Variants in PLXNB1 observed in about 807,000 individuals in gnomAD.
PLXNB1 encodes plexin B1.
In PLXNB1, 106 loss-of-function variants were observed where a neutral mutation model predicts 209.4. The ratio of observed to expected loss-of-function variants is 0.51; its 90% CI spans 0.43 to 0.59. The LOEUF (loss-of-function observed/expected upper bound fraction) is 0.59, where lower values mean the gene tolerates loss of function less well. PLXNB1 is among the 20% of genes least tolerant of loss of function. PLXNB1 has a pLI of 0.00. For synonymous variants in PLXNB1, 1,167 were observed against 1,183.2 expected (o/e 0.99, Z 0.28); for missense variants, 2,357 against 2,853.2 (o/e 0.83, Z 3.96).
intron 1 of PLXNB1, among the ~76,000 whole-genome samples, chr3:48,426,789 A>G (rs2038918572): frequency 6.6e-6 from 1 of 152,060 alleles, no homozygotes; most frequent in South Asian, 2.1e-4. Context: ...GGGCGGGGGG[A>G]AGGGGGCAGC....
Position 48,418,225 on chromosome 3 carries a change from A to G in PLXNB1, c.3188T>C (p.Val1063Ala). 2 of 1,612,422 alleles carry G rather than the reference A, an allele frequency of 1.2e-6. No individual in the cohort carries two copies. Among genetic ancestry groups the G allele is most frequent in the Non-Finnish European group, 1.7e-6 (2 of 1,179,540 alleles). The change falls in exon 15 of 38, where the codon GTG becomes GCG. Residue 1063 changes from valine to alanine, a missense_variant. Transcript: ENST00000296440. The surrounding 1 kb of genome is among the most constrained non-coding windows in gnomAD (Gnocchi z 6.6). ...GAGGGGCGCTGGGCACTGGGTGGCC[A>G]CAGCCTCAGCCTCACCACAGGCCTC... Reference protein sequence around the residue: ...TREACGEAEAVATQCPAPLIH... With the variant: ...TREACGEAEAAATQCPAPLIH...
chr3:48,420,130 G>T lies in PLXNB1; in HGVS notation c.2156C>A (p.Ala719Asp). 6.2e-7 allele frequency: 1 copy of T among 1,612,712 alleles called. No individual in the cohort carries two copies. The highest frequency in any genetic ancestry group is 8.5e-7 in the Non-Finnish European group (1 of 1,179,640). ...CCCAGGTGAGATGTCCGAAGCTGTG[G>T]CTGTGGAGGGAGCCCCAGGCTCCAC... Reference protein sequence around the residue: ...LPVEPGAPSTATASDISPGAS... With the variant: ...LPVEPGAPSTDTASDISPGAS... Residue 719 changes from alanine to aspartate, a missense_variant, in exon 11 of 38, where the codon GCC becomes GAC. This residue lies in a region of PLXNB1 where 410 missense variants were observed against 401.0 expected (regional missense o/e 1.02). Transcript: ENST00000296440.
In PLXNB1 at chr3:48,409,198, G is replaced by C; in HGVS notation, c.6087+131C>G. 2 of 1,054,802 alleles carry C rather than the reference G, an allele frequency of 1.9e-6. No homozygotes were observed. The highest frequency in any genetic ancestry group is 2.7e-6 in the Non-Finnish European group (2 of 733,150). The allele number at this position is 1,054,802 out of a possible 1,614,324, so 65.3% of individuals were successfully genotyped here. On this transcript the variant is annotated intron_variant, in intron 34 of 37. Transcript: ENST00000296440. This position sits in a 1 kb window ranked among gnomAD's most constrained non-coding sequence, Gnocchi z 5.8. ...AAAACTGAGGTGGCCCCGGGATGAA[G>C]CCTTGGCTTGGGAGGTCAGAGGTCT...
In PLXNB1 at chr3:48,420,053, T is replaced by C. The variant is rs1344176092; in HGVS notation, c.2233A>G (p.Ile745Val). 6 of 1,612,194 alleles carry C rather than the reference T, an allele frequency of 3.7e-6. No individual in the cohort carries two copies. The highest frequency in any genetic ancestry group is 2.2e-5 in the South Asian group (2 of 90,990). ...GACCCTGTGGAGCCAGGGGAAGATA[T>C]GGAGCCAGAACCTGCCCATGGCCCC... ...PWGPWAGSGS[I>V]SSPGSTGSPL... The change falls in exon 11 of 38, where the codon ATA becomes GTA. Residue 745 changes from isoleucine to valine, a missense_variant. By Grantham distance (29) the Ile-to-Val change is conservative. Transcript: ENST00000296440.
rs749314707 is a variant in PLXNB1, at chr3:48,405,884, G to A, written c.6229-86C>T. ...AGCCCAGGACCCCAGGGAAGGGCTG[G>A]GGGAGAAGGGGACCTGAGAGGTAGA... is the stretch of plus-strand genomic sequence containing the variant. On this transcript the variant is annotated intron_variant, in intron 36 of 37. Transcript: ENST00000296440. The surrounding 1 kb of genome is among the most constrained non-coding windows in gnomAD (Gnocchi z 5.0). 7.9e-6 allele frequency: 8 copies of A among 1,010,266 alleles called. No individual in the cohort carries two copies. Among genetic ancestry groups the A allele is most frequent in the Admixed American group, 7.4e-5 (4 of 54,092 alleles). The allele number at this position is 1,010,266 out of a possible 1,614,324, so 62.6% of individuals were successfully genotyped here. A position where few individuals can be genotyped will look rare whatever the true frequency, so the allele number is the denominator to read the frequency against.
intron 3 of PLXNB1, among the ~76,000 whole-genome samples, 162 bp from the exon 4 acceptor site, chr3:48,423,109 C>A (rs576097832): frequency 6.6e-6 from 1 of 152,310 alleles, no homozygotes; most frequent in Admixed American, 6.5e-5. Context: ...TCCCCGCCCC[C>A]AGTCTCTCTT....
Position 48,423,702 on chromosome 3 carries a change from T to C in PLXNB1, c.910A>G (p.Thr304Ala). ...GCCGCCGATGGGGGCCGGCCCACAG[T>C]GGGGGGTGCAGCCGAGGAGAAAGCT... ...FAAFSSAAPP[T>A]VGRPPSAAAG... is the part of the protein sequence containing the mutation. The change falls in exon 3 of 38, where the codon ACT (threonine) becomes GCT (alanine). Residue 304 changes from threonine (T) to alanine (A), a missense_variant. Thr to Ala is a moderately conservative substitution (Grantham distance 58). This residue lies in a region of PLXNB1 where 404 missense variants were observed against 443.6 expected (regional missense o/e 0.91). Coordinates refer to ENST00000296440, the MANE Select transcript of PLXNB1 (RefSeq NM_001130082.3). The C allele has an allele frequency of 1.2e-6, 2 of 1,613,596 alleles. No homozygotes were observed. The highest frequency in any genetic ancestry group is 8.5e-7 in the Non-Finnish European group (1 of 1,179,870).
chr3:48,405,789 C>G lies in PLXNB1; in HGVS notation c.6238G>C (p.Gly2080Arg). Reference protein sequence around the residue: ...VLAELSWNYSGDLGARVALHE... With the variant: ...VLAELSWNYSRDLGARVALHE... ...AGGGCCACTCGCGCCCCGAGGTCTC[C>G]GGAGTAGTTCTAGGGAAGAGGCCAA... Residue 2080 changes from glycine to arginine, a missense_variant, in exon 37 of 38, where the codon GGA becomes CGA. This residue lies in a region of PLXNB1 where 414 missense variants were observed against 520.5 expected (regional missense o/e 0.80). Coordinates refer to ENST00000296440, the MANE Select transcript of PLXNB1 (RefSeq NM_001130082.3). This position sits in a 1 kb window ranked among gnomAD's most constrained non-coding sequence, Gnocchi z 5.0. The G allele has an allele frequency of 6.2e-7, 1 of 1,613,314 alleles. No individual in the cohort carries two copies. The highest frequency in any genetic ancestry group is 2.2e-5 in the East Asian group (1 of 44,862).
chr3:48,426,396 T>C (rs1407438389), intron 1 of PLXNB1, among the ~76,000 whole-genome samples: 2 of 152,228 alleles, frequency 1.3e-5, no homozygotes, highest in Admixed American at 6.5e-5. Context: ...CATCTCAGAC[T>C]GGGAGACACT....
At chr3:48,420,643 C>A in intron 10 of PLXNB1, 22 bp downstream of exon 10, 1 of 1,597,872 alleles carries the variant, frequency 6.3e-7, no homozygotes, top group Non-Finnish European at 8.6e-7. Flanking sequence ...CCCGGTATGG[C>A]CCAGCCCAAA....
rs555957696 is a variant in PLXNB1 at position 48,409,195 on chromosome 3, G to A, written c.6087+134C>T. The A allele has an allele frequency of 1.7e-3, 1,769 of 1,021,560 alleles. 3 individuals carry two copies. The highest frequency in any genetic ancestry group is 2.3e-3 in the Non-Finnish European group (1,587 of 704,218). 63.3% of individuals were successfully genotyped at this position (1,021,560 alleles called of 1,614,324 possible). ...CTTAAAACTGAGGTGGCCCCGGGAT[G>A]AAGCCTTGGCTTGGGAGGTCAGAGG... On this transcript the variant is annotated intron_variant, in intron 34 of 37. Coordinates refer to ENST00000296440, the MANE Select transcript of PLXNB1 (RefSeq NM_001130082.3). The surrounding 1 kb of genome is among the most constrained non-coding windows in gnomAD (Gnocchi z 5.8).
chr3:48,415,938 C>T lies in PLXNB1; in HGVS notation c.3617+93G>A. On this transcript the variant is annotated intron_variant, in intron 18 of 37. Coordinates refer to ENST00000296440, the MANE Select transcript of PLXNB1 (RefSeq NM_001130082.3). This position sits in a 1 kb window ranked among gnomAD's most constrained non-coding sequence, Gnocchi z 5.0. ...CACTCTCTGAAGGAGCAGACTGGCC[C>T]TCTTCCCCTTTCTGCTCTCCCCAGG... 6.9e-7 allele frequency: 1 copy of T among 1,454,084 alleles called. No individual in the cohort carries two copies. The highest frequency in any genetic ancestry group is 9.3e-7 in the Non-Finnish European group (1 of 1,074,748). 90.1% of individuals were successfully genotyped at this position (1,454,084 alleles called of 1,614,324 possible). A position where few individuals can be genotyped will look rare whatever the true frequency, so the allele number is the denominator to read the frequency against.
At position 48,410,376 on chromosome 3, in the gene PLXNB1, G is replaced by A. The variant is rs747532798; in HGVS notation, c.5525C>T (p.Pro1842Leu). 2 of 1,613,456 alleles carry A rather than the reference G, an allele frequency of 1.2e-6. No individual in the cohort carries two copies. The highest frequency in any genetic ancestry group is 8.5e-7 in the Non-Finnish European group (1 of 1,179,616). The change falls in exon 31 of 38, where the codon CCA becomes CTA. Residue 1842 changes from proline (P) to leucine (L), a missense_variant. By Grantham distance (98) the Pro-to-Leu change is moderately conservative. Around this residue, in one of 7 missense-constraint regions of PLXNB1, gnomAD observed 414 missense variants for 520.5 expected, o/e 0.80. Transcript: ENST00000296440. This position sits in a 1 kb window ranked among gnomAD's most constrained non-coding sequence, Gnocchi z 6.4. ...GACGAGGGCCACAGTTGCTCCATCT[G>A]GGACCTGCTGAGCACAGCTGGTGAT... Reference protein sequence around the residue: ...RLNTLQHYKVPDGATVALVPC... With the variant: ...RLNTLQHYKVLDGATVALVPC...
rs568014826 is a variant in PLXNB1 at position 48,411,800 on chromosome 3, C to T, written c.5247+63G>A. ...CTGGTGTCCAGACCCCACACACCCA[C>T]ACACTCTCCACCCTCGCCCTCACCG... On this transcript the variant is annotated intron_variant, in intron 28 of 37. Coordinates refer to ENST00000296440, the MANE Select transcript of PLXNB1 (RefSeq NM_001130082.3). The surrounding 1 kb of genome is among the most constrained non-coding windows in gnomAD (Gnocchi z 4.0). 3,609 of 1,573,068 alleles carry T rather than the reference C, an allele frequency of 2.3e-3. 10 individuals carry two copies. Among genetic ancestry groups the T allele is most frequent in the Non-Finnish European group, 3.0e-3 (3,410 of 1,154,868 alleles).
Position 48,418,938 on chromosome 3 carries a change from A to G in PLXNB1, c.2934T>C (p.His978=), listed in dbSNP as rs200565688. ...GCACCTGGTGCTGCTGGCAGGTGAC[A>G]TGGCACTGGGTATCTGGAGGTGGCT... The part of the protein sequence containing the change: ...ECEPPPDTQC[H]VTCQQHQLSY... Residue 978 remains histidine (H), a synonymous_variant, in exon 13 of 38, where the codon CAT becomes CAC. Transcript: ENST00000296440. This position sits in a 1 kb window ranked among gnomAD's most constrained non-coding sequence, Gnocchi z 6.6. 1.3e-4 allele frequency: 213 copies of G among 1,613,988 alleles called. No individual in the cohort carries two copies. Among genetic ancestry groups the G allele is most frequent in the Non-Finnish European group, 6.1e-5 (72 of 1,179,990 alleles).
chr3:48,421,891 C>G (rs549649009), intron 6 of PLXNB1, 85 bp from the exon 7 acceptor site: 3 of 1,525,574 alleles, frequency 2.0e-6, no homozygotes, highest in East Asian at 4.6e-5. Context: ...TCTGGAGGAC[C>G]TGGGCAGGGC....
At position 48,415,955 on chromosome 3, in the gene PLXNB1, C is replaced by A; in HGVS notation, c.3617+76G>T. The A allele has an allele frequency of 6.7e-7, 1 of 1,502,884 alleles. No individual in the cohort carries two copies. Among genetic ancestry groups the A allele is most frequent in the Admixed American group, 2.0e-5 (1 of 50,104 alleles). The allele number at this position is 1,502,884 out of a possible 1,614,324, so 93.1% of individuals were successfully genotyped here. On this transcript the variant is annotated intron_variant, in intron 18 of 37. Coordinates refer to ENST00000296440, the MANE Select transcript of PLXNB1 (RefSeq NM_001130082.3). The surrounding 1 kb of genome is among the most constrained non-coding windows in gnomAD (Gnocchi z 5.0). ...GACTGGCCCTCTTCCCCTTTCTGCT[C>A]TCCCCAGGATCTCAGACCCCTCCAT...
Position 48,421,241 on chromosome 3 carries a change from C to T in PLXNB1, c.1797G>A (p.Leu599=), listed in dbSNP as rs2038497973. 2 of 1,613,150 alleles carry T rather than the reference C, an allele frequency of 1.2e-6. No individual in the cohort carries two copies. The highest frequency in any genetic ancestry group is 2.2e-5 in the East Asian group (1 of 44,868). Residue 599 remains leucine, a synonymous_variant, in exon 8 of 38, where the codon CTG becomes CTA. Coordinates refer to ENST00000296440, the MANE Select transcript of PLXNB1 (RefSeq NM_001130082.3). ...PSPDPSEAPV[L]PRGADYVSVS... ...TCTCTCACCCACCGGCTCCTCTCGG[C>T]AGCACTGGGGCCTCACTAGGGTCTG...
Position 48,417,881 on chromosome 3 carries a change from C to G in PLXNB1, c.3374+30G>C. On this transcript the variant is annotated intron_variant, in intron 16 of 37. Transcript: ENST00000296440. The surrounding 1 kb of genome is among the most constrained non-coding windows in gnomAD (Gnocchi z 4.4). ...CCAACCGCGGAGGCCCCAGGCTGCG[C>G]CGTGCTCCTGCTGGGTGCAGCCAGC... is the stretch of plus-strand genomic sequence containing the variant. 6.3e-7 allele frequency: 1 copy of G among 1,590,370 alleles called. No homozygotes were observed. Among genetic ancestry groups the G allele is most frequent in the South Asian group, 1.1e-5 (1 of 89,364 alleles).
Sources: allele counts gnomAD v4.1 joint callset (sites outside exome capture counted in the v4.1 genomes callset), GRCh38; gene constraint gnomAD v4.1.1; regional missense constraint gnomAD v4.1.1; non-coding constraint Gnocchi (gnomAD v3.1); transcripts MANE v1.5; gene names NCBI Gene and HGNC (gene_info 2026-07-23, HGNC 2026-07-21).